The following BOD1L1 variants were observed in gnomAD, a reference collection of about 807,000 sequenced individuals.
BOD1L1 encodes the protein biorientation of chromosomes in cell division protein 1-like 1.
A neutral mutation model predicts 240.7 loss-of-function variants in BOD1L1; 86 were observed. That is an observed-to-expected ratio of 0.36 (90% CI 0.30 to 0.43). BOD1L1 has a LOEUF of 0.43. Ranked by LOEUF, BOD1L1 falls within the 20% of genes least tolerant of loss-of-function variation. The pLI is 1.00. For synonymous variants in BOD1L1, 1,268 were observed against 1,272.3 expected (o/e 1.00, Z 0.07); for missense variants, 3,554 against 3,643.5 (o/e 0.98, Z 0.63).
intron 12 of BOD1L1, among the ~76,000 whole-genome samples, chr4:13,594,994 C>T (rs979138921): frequency 5.3e-5 from 8 of 152,188 alleles, no homozygotes; most frequent in Non-Finnish European, 1.2e-4. Flanking sequence ...AAACAATAAA[C>T]AGCAACAGGA....
chr4:13,603,596 G>A lies in BOD1L1; in HGVS notation c.3304C>T (p.Leu1102Phe). 1 of 1,613,990 alleles carries A rather than the reference G, an allele frequency of 6.2e-7. No homozygotes were observed. Among genetic ancestry groups the A allele is most frequent in the Non-Finnish European group, 8.5e-7 (1 of 1,179,878 alleles). Residue 1102 changes from leucine (L) to phenylalanine (F), a missense_variant, in exon 10 of 26, where the codon CTT (leucine) becomes TTT (phenylalanine). By Grantham distance (22) the Leu-to-Phe change is conservative (BLOSUM62 0). This residue lies in a region of BOD1L1 where 3,393 missense variants were observed against 3,427.1 expected (regional missense o/e 0.99). Transcript: ENST00000040738. ...NTLSTPSGSS[L>F]QRPKKSGDMT... is the part of the protein sequence containing the mutation. ...TCACCACTCTTTTTTGGTCTCTGAA[G>A]GGAGGAACCGCTGGGAGTGCTCAAA...
In BOD1L1 at chr4:13,601,179, C is replaced by G. The variant is rs368522788; in HGVS notation, c.5721G>C (p.Gln1907His). Residue 1907 changes from glutamine to histidine, a missense_variant, in exon 10 of 26, where the codon CAG becomes CAC. This residue lies in a region of BOD1L1 where 3,393 missense variants were observed against 3,427.1 expected (regional missense o/e 0.99). Transcript: ENST00000040738. ...LICESAEGDSQIGTVVEHVEA... is the reference protein window; with the variant it reads ...LICESAEGDSHIGTVVEHVEA... ...CCACATGCTCTACCACAGTACCAAT[C>G]TGACTGTCCCCTTCTGCACTTTCAC... 8 of 1,613,902 alleles carry G rather than the reference C, an allele frequency of 5.0e-6. No individual in the cohort carries two copies. The highest frequency in any genetic ancestry group is 5.9e-6 in the Non-Finnish European group (7 of 1,179,908).
At chr4:13,572,991 A>AT (rs1363386795) in intron 25 of BOD1L1, 1 of 507,012 alleles carries the variant, frequency 2.0e-6, no homozygotes, top group Non-Finnish European at 3.1e-6. Flanking sequence ...ACCACTGCTG[A>AT]TAAGTCGATC....
At position 13,582,713 on chromosome 4, in the gene BOD1L1, T is replaced by C; in HGVS notation, c.8457A>G (p.Glu2819=). 1 of 1,612,352 alleles carries C rather than the reference T, an allele frequency of 6.2e-7. No homozygotes were observed. The highest frequency in any genetic ancestry group is 8.5e-7 in the Non-Finnish European group (1 of 1,178,468). The change falls in exon 18 of 26, where the codon GAA becomes GAG. Residue 2819 remains glutamate (E), a synonymous_variant. Coordinates refer to ENST00000040738, the MANE Select transcript of BOD1L1 (RefSeq NM_148894.3). ...DTKEENSRDL[E]ELPKTSSETN... ...TCTCAGAACTGGTTTTAGGTAATTC[T>C]TCCAAATCTCTGGAGTTCTCTTCCT...
chr4:13,592,629 T>A (rs2108919934), intron 12 of BOD1L1: 1 of 152,302 alleles, frequency 6.6e-6, no homozygotes, highest in Non-Finnish European at 1.5e-5. Context: ...CATGCACATT[T>A]TAATTAATGT....
chr4:13,599,596 C>T lies in BOD1L1; in HGVS notation c.7304G>A (p.Gly2435Asp), dbSNP rs780293946. The change falls in exon 10 of 26, where the codon GGC becomes GAC. Residue 2435 changes from glycine to aspartate, a missense_variant. Physicochemically the swap from Gly to Asp is moderately conservative, Grantham distance 94 (BLOSUM62 -1). Coordinates refer to ENST00000040738, the MANE Select transcript of BOD1L1 (RefSeq NM_148894.3). ...TGGTCCTATTTCGGGGCACTCCTTG[C>T]CATGCTTCTCTTCTTTTTCCGCACA... ...AVCAEKEEKHGKECPEIGPFA... is the reference protein window; with the variant it reads ...AVCAEKEEKHDKECPEIGPFA... 4 of 1,614,038 alleles carry T rather than the reference C, an allele frequency of 2.5e-6. No homozygotes were observed. Among genetic ancestry groups the T allele is most frequent in the Non-Finnish European group, 3.4e-6 (4 of 1,179,900 alleles).
chr4:13,588,656 C>T, intron 15 of BOD1L1, 66 bp downstream of exon 15: 1 of 1,183,446 alleles, frequency 8.4e-7, no homozygotes. Flanking sequence ...TTTCTAAAGC[C>T]CTTCTTTGTG....
intron 12 of BOD1L1, among the ~76,000 whole-genome samples, chr4:13,594,606 G>A (rs942589637): frequency 2.0e-5 from 3 of 152,132 alleles, no homozygotes; most frequent in African/African-American, 7.2e-5. Context: ...CCAACCATTG[G>A]CCGAGCGCAG....
Position 13,582,652 on chromosome 4 carries a change from C to G in BOD1L1, c.8518G>C (p.Asp2840His). 6.2e-7 allele frequency: 1 copy of G among 1,607,804 alleles called. No homozygotes were observed. Among genetic ancestry groups the G allele is most frequent in the East Asian group, 2.2e-5 (1 of 44,834 alleles). ...TTACCCAAGCAGATATTTTACTCAC[C>G]TTTTTCTTCCATGACCCTTGAGGTA... is the stretch of plus-strand genomic sequence containing the variant. ...STTSRVMEEKDEYSSSETTGE... is the reference protein window; with the variant it reads ...STTSRVMEEKHEYSSSETTGE... Residue 2840 changes from aspartate (D) to histidine (H), a missense_variant and splice_region_variant, in exon 18 of 26, where the codon GAT becomes CAT. Asp to His is a moderately conservative substitution (Grantham distance 81, BLOSUM62 -1). Coordinates refer to ENST00000040738, the MANE Select transcript of BOD1L1 (RefSeq NM_148894.3).
chr4:13,604,759 T>C lies in BOD1L1; in HGVS notation c.2141A>G (p.Lys714Arg). 4.3e-6 allele frequency: 7 copies of C among 1,613,310 alleles called. No homozygotes were observed. The highest frequency in any genetic ancestry group is 5.9e-6 in the Non-Finnish European group (7 of 1,179,672). Reference protein sequence around the residue: ...KKDDSETPHLKSLLKKEVKSS... With the variant: ...KKDDSETPHLRSLLKKEVKSS... ...TTTCACCTCTTTCTTAAGTAGGCTT[T>C]TCAAATGTGGTGTTTCAGAATCATC... The change falls in exon 10 of 26, where the codon AAA (lysine) becomes AGA (arginine). Residue 714 changes from lysine (K) to arginine (R), a missense_variant. This residue lies in a region of BOD1L1 where 3,393 missense variants were observed against 3,427.1 expected (regional missense o/e 0.99). Transcript: ENST00000040738.
At position 13,619,991 on chromosome 4, in the gene BOD1L1, T is replaced by C. The variant is rs763495225; in HGVS notation, c.320A>G (p.His107Arg). The change falls in exon 2 of 26, where the codon CAT becomes CGT. Residue 107 changes from histidine to arginine, a missense_variant. This residue lies in a region of BOD1L1 where 161 missense variants were observed against 216.4 expected (regional missense o/e 0.74). Transcript: ENST00000040738. ...GTTTCTTAGCTGGTTCTTATTGAGA[T>C]GCGGACTCCATGTGTGAGTTGCCAA... Reference protein sequence around the residue: ...NHLATHTWSPHLNKNQLRNNI... With the variant: ...NHLATHTWSPRLNKNQLRNNI... 8.7e-6 allele frequency: 14 copies of C among 1,612,752 alleles called. No homozygotes were observed. The highest frequency in any genetic ancestry group is 6.7e-5 in the African/African-American group (5 of 74,934).
chr4:13,579,800 A>G (rs1398552332), intron 22 of BOD1L1, 128 bp downstream of exon 22: 2 of 671,750 alleles, frequency 3.0e-6, no homozygotes, highest in Non-Finnish European at 5.1e-6. Context: ...ATACAAGGAC[A>G]ATTATTTTTA....
rs1714253760 is a variant in BOD1L1 at position 13,591,955 on chromosome 4, T to C, written c.8116A>G (p.Arg2706Gly). 6.4e-7 allele frequency: 1 copy of C among 1,561,276 alleles called. No individual in the cohort carries two copies. Among genetic ancestry groups the C allele is most frequent in the South Asian group, 1.2e-5 (1 of 83,674 alleles). ...GATTCATTCACCAACAAAGGCTCCC[T>C]CTGGAGTTCAGCTGTTCAAAAATAA... The part of the protein sequence containing the change: ...GKPSGIAELQ[R>G]EPLLVNESLN... Residue 2706 changes from arginine to glycine, a missense_variant, in exon 13 of 26, where the codon AGG (arginine) becomes GGG (glycine). Arg to Gly is a moderately radical substitution (Grantham distance 125). Coordinates refer to ENST00000040738, the MANE Select transcript of BOD1L1 (RefSeq NM_148894.3).
chr4:13,579,666 A>G (rs1713064874), intron 22 of BOD1L1, among the ~76,000 whole-genome samples: 1 of 152,224 alleles, frequency 6.6e-6, no homozygotes, highest in South Asian at 2.1e-4. Context: ...TCCACCCTCC[A>G]GAGCTAATCA....
At position 13,570,050 on chromosome 4, in the gene BOD1L1, T is replaced by C. The variant is rs1228859572; in HGVS notation, c.9117A>G (p.Gln3039=). The C allele has an allele frequency of 6.2e-7, 1 of 1,606,900 alleles. No individual in the cohort carries two copies. The highest frequency in any genetic ancestry group is 2.3e-5 in the East Asian group (1 of 44,066). The change falls in exon 26 of 26, where the codon CAA becomes CAG. Residue 3039 remains glutamine, a synonymous_variant. Coordinates refer to ENST00000040738, the MANE Select transcript of BOD1L1 (RefSeq NM_148894.3). The part of the protein sequence containing the change: ...SPPGARTRGQ[Q]RVEEAPVKKA... ...TTTTCACAGGGGCTTCCTCCACCCT[T>C]TGCTGGCCTCTTGTTCGGGCCCCAG...
Position 13,602,279 on chromosome 4 carries a change from T to G in BOD1L1, c.4621A>C (p.Thr1541Pro), listed in dbSNP as rs1349598840. ...SPVKAGPATT[T>P]SSETRQSEVA... ...TCACTTTGTCTTGTTTCTGAAGAAG[T>G]GGTTGTGGCAGGCCCAGCCTTCACT... Residue 1541 changes from threonine (T) to proline (P), a missense_variant, in exon 10 of 26, where the codon ACT (threonine) becomes CCT (proline). By Grantham distance (38) the Thr-to-Pro change is conservative (BLOSUM62 -1). Coordinates refer to ENST00000040738, the MANE Select transcript of BOD1L1 (RefSeq NM_148894.3). The G allele has an allele frequency of 6.2e-7, 1 of 1,614,018 alleles. No individual in the cohort carries two copies. The highest frequency in any genetic ancestry group is 1.7e-5 in the Admixed American group (1 of 60,028).
intron 1 of BOD1L1, among the ~76,000 whole-genome samples, chr4:13,621,420 G>A (rs1717023089): frequency 1.3e-5 from 2 of 152,114 alleles, no homozygotes; most frequent in African/African-American, 4.8e-5. Flanking sequence ...CATTCCCTCT[G>A]GTTGTCCATC....
Position 13,569,869 on chromosome 4 carries a change from A to G in BOD1L1, c.*142T>C, listed in dbSNP as rs562956823. ...AATAGTTTATAAAGCTGTTTAAAAC[A>G]TAACAAGAAAAAGCTTGCACCTAGG... On this transcript the variant is annotated 3_prime_UTR_variant, in exon 26 of 26. Transcript: ENST00000040738. The G allele has an allele frequency of 8.6e-6, 4 of 464,074 alleles. No individual in the cohort carries two copies. The highest frequency in any genetic ancestry group is 8.7e-5 in the Admixed American group (2 of 22,978). The allele number at this position is 464,074 out of a possible 1,614,324, so 28.7% of individuals were successfully genotyped here.
rs1410481534 is a variant in BOD1L1, at chr4:13,582,751, A to T, written c.8434-15T>A. The stretch of plus-strand genomic sequence containing the variant: ...GAGTTCTCTTCCTATAGAGAAGTTG[A>T]AAAAGACTAGAACCTTCTTCAAACT... On this transcript the variant is annotated splice_polypyrimidine_tract_variant and intron_variant, in intron 17 of 25. Coordinates refer to ENST00000040738, the MANE Select transcript of BOD1L1 (RefSeq NM_148894.3). The T allele has an allele frequency of 2.6e-6, 4 of 1,558,008 alleles. No homozygotes were observed. The Admixed American group carries it at 5.1e-5, about 20-fold the overall frequency.
Sources: gnomAD v4.1 joint callset for allele counts (sites outside exome capture counted in the v4.1 genomes callset) on GRCh38, gnomAD v4.1.1 for gene constraint, gnomAD v4.1.1 regional missense constraint, MANE v1.5 for transcripts, NCBI Gene and HGNC (gene_info 2026-07-23, HGNC 2026-07-21) for gene names.